The following ETV5 variants were observed in gnomAD, a reference collection of about 807,000 sequenced individuals.
ETV5 encodes the protein ETS variant transcription factor 5.
ETV5 carries 10 observed loss-of-function variants against 70.0 expected under a neutral mutation model. That is an observed-to-expected ratio of 0.14 (90% CI 0.09 to 0.24). The LOEUF (loss-of-function observed/expected upper bound fraction) is 0.24, where lower values mean the gene tolerates loss of function less well. Ranked by LOEUF, ETV5 falls within the 10% of genes least tolerant of loss-of-function variation. ETV5 has a pLI of 1.00. For synonymous variants in ETV5, 216 were observed against 242.2 expected (o/e 0.89, Z 1.01); for missense variants, 453 against 651.2 (o/e 0.70, Z 3.31).
chr3:186,096,923 G>C (rs992776251), intron 5 of ETV5, among the ~76,000 whole-genome samples: 1 of 152,110 alleles, frequency 6.6e-6, no homozygotes, highest in South Asian at 2.1e-4. Context: ...GCTCGAACCT[G>C]TAATGCCAGC....
Position 186,105,172 on chromosome 3 carries a change from G to T in ETV5, c.232+133C>A. 2 of 654,866 alleles carry T rather than the reference G, an allele frequency of 3.1e-6. No individual in the cohort carries two copies. The highest frequency in any genetic ancestry group is 5.1e-6 in the Non-Finnish European group (2 of 390,372). The allele number at this position is 654,866 out of a possible 1,614,324, so 40.6% of individuals were successfully genotyped here. ...AATAAAAGTTTTCAGGGTTAATTCT[G>T]AATTATTAGAAGAAACTAAATGCAT... On this transcript the variant is annotated intron_variant, in intron 5 of 12. Coordinates refer to ENST00000306376, the MANE Select transcript of ETV5 (RefSeq NM_004454.3). This position sits in a 1 kb window ranked among gnomAD's most constrained non-coding sequence, Gnocchi z 4.5.
chr3:186,057,338 T>G lies in ETV5; in HGVS notation c.1039+85A>C, dbSNP rs1471564442. The stretch of plus-strand genomic sequence containing the variant: ...GAGTTGTTCATGCTGATTTAATCAC[T>G]GGACTTGGGAAGAGAGTCATGGCTG... On this transcript the variant is annotated intron_variant, in intron 10 of 12. Coordinates refer to ENST00000306376, the MANE Select transcript of ETV5 (RefSeq NM_004454.3). The surrounding 1 kb of genome is among the most constrained non-coding windows in gnomAD (Gnocchi z 4.9). 70 of 1,605,816 alleles carry G rather than the reference T, an allele frequency of 4.4e-5. No individual in the cohort carries two copies. Among genetic ancestry groups the G allele is most frequent in the Middle Eastern group, 1.6e-4 (1 of 6,068 alleles).
At chr3:186,075,287 A>G (rs988247866) in intron 7 of ETV5, among the ~76,000 whole-genome samples, 1 of 152,230 alleles carries the variant, frequency 6.6e-6, no homozygotes, top group African/African-American at 2.4e-5. Context: ...CATGTTATTA[A>G]CAGGCACTTG....
Position 186,057,041 on chromosome 3 carries a change from C to G in ETV5, c.1209+34G>C. On this transcript the variant is annotated intron_variant, in intron 11 of 12. Transcript: ENST00000306376. This position sits in a 1 kb window ranked among gnomAD's most constrained non-coding sequence, Gnocchi z 4.9. ...AAAAACATCATCAACAACAACAAAT[C>G]AAAACCCGTCTGAGTCCAGCATCCA... is the stretch of plus-strand genomic sequence containing the variant. The G allele has an allele frequency of 6.3e-7, 1 of 1,595,720 alleles. No homozygotes were observed. Among genetic ancestry groups the G allele is most frequent in the Non-Finnish European group, 8.6e-7 (1 of 1,167,776 alleles).
intron 5 of ETV5, among the ~76,000 whole-genome samples, chr3:186,082,897 T>C (rs1713965941): frequency 6.6e-6 from 1 of 152,250 alleles, no homozygotes; most frequent in Non-Finnish European, 1.5e-5. Flanking sequence ...TGCCAGTGAC[T>C]GACTGGAAAG....
At chr3:186,079,424 A>T (rs900851289) in intron 7 of ETV5, 4 of 245,602 alleles carry the variant, frequency 1.6e-5, no homozygotes, top group African/African-American at 6.6e-5. Context: ...ATTGTCCCTT[A>T]TATGTAAGTG....
At position 186,057,538 on chromosome 3, in the gene ETV5, T is replaced by C. The variant is rs1713195778; in HGVS notation, c.971-47A>G. 6.7e-7 allele frequency: 1 copy of C among 1,486,802 alleles called. No individual in the cohort carries two copies. Among genetic ancestry groups the C allele is most frequent in the African/African-American group, 1.4e-5 (1 of 72,382 alleles). The allele number at this position is 1,486,802 out of a possible 1,614,324, so 92.1% of individuals were successfully genotyped here. On this transcript the variant is annotated intron_variant, in intron 9 of 12. Coordinates refer to ENST00000306376, the MANE Select transcript of ETV5 (RefSeq NM_004454.3). The surrounding 1 kb of genome is among the most constrained non-coding windows in gnomAD (Gnocchi z 4.9). ...AGACTACGTTGCTTAACAAATTCTGTGTTGTACTAAAACTATGGATTTAAG... is the reference window on the plus strand; with the variant it reads ...AGACTACGTTGCTTAACAAATTCTGCGTTGTACTAAAACTATGGATTTAAG...
chr3:186,076,937 T>C (rs1385758199), intron 7 of ETV5, among the ~76,000 whole-genome samples: 2 of 152,298 alleles, frequency 1.3e-5, no homozygotes, highest in African/African-American at 2.4e-5. Context: ...TTTATCAAGG[T>C]CAATTACTCA....
chr3:186,099,123 AACATCTG>A (rs1446114140), intron 5 of ETV5, among the ~76,000 whole-genome samples: 1 of 152,174 alleles, frequency 6.6e-6, no homozygotes, highest in Non-Finnish European at 1.5e-5. Context: ...TTTTCCCTTT[AACATCTG>A]AGTTGCTAAC....
At chr3:186,108,031 G>A (rs1034629951) in intron 1 of ETV5, among the ~76,000 whole-genome samples, 2 of 149,476 alleles carry the variant, frequency 1.3e-5, no homozygotes, top group African/African-American at 4.9e-5. Flanking sequence ...AGGGAGCAGC[G>A]AGCCAACGAA....
intron 7 of ETV5, among the ~76,000 whole-genome samples, chr3:186,067,770 A>G (rs1713487702): frequency 6.6e-6 from 1 of 152,214 alleles, no homozygotes; most frequent in African/African-American, 2.4e-5. Context: ...TTAAAAAGAC[A>G]TCGGAAACAA....
At chr3:186,086,656 TATAAG>T (rs1461787114) in intron 5 of ETV5, among the ~76,000 whole-genome samples, 1 of 151,992 alleles carries the variant, frequency 6.6e-6, no homozygotes, top group Non-Finnish European at 1.5e-5. Flanking sequence ...ATAAAAGACA[TATAAG>T]ATGTCTACAC....
intron 5 of ETV5, chr3:186,084,425 G>A (rs1466533532): frequency 3.0e-6 from 1 of 331,222 alleles, no homozygotes; most frequent in Non-Finnish European, 5.9e-6. Flanking sequence ...GCTGAATGTG[G>A]ACTACCTTCT....
intron 7 of ETV5, among the ~76,000 whole-genome samples, chr3:186,067,399 A>T (rs188418965): frequency 2.1e-3 from 321 of 152,298 alleles, no homozygotes; most frequent in African/African-American, 6.5e-3. Flanking sequence ...GCCACTGCAC[A>T]CCAGCCTTGT....
chr3:186,062,610 A>G (rs1044958687), intron 9 of ETV5, among the ~76,000 whole-genome samples: 2 of 152,100 alleles, frequency 1.3e-5, no homozygotes, highest in African/African-American at 4.8e-5. Context: ...ACAGAGCAAG[A>G]CTCCGTCTCA....
chr3:186,060,804 G>A (rs1713285340), intron 9 of ETV5, among the ~76,000 whole-genome samples: 1 of 152,194 alleles, frequency 6.6e-6, no homozygotes, highest in Non-Finnish European at 1.5e-5. Flanking sequence ...GCAACCCAAT[G>A]CCTTGCTAAA....
chr3:186,108,555 G>A, intron 1 of ETV5: 1 of 1,271,196 alleles, frequency 7.9e-7, no homozygotes, highest in Non-Finnish European at 1.0e-6. Flanking sequence ...GCGGAGCTCC[G>A]CCAAGCGTCT....
In ETV5 at chr3:186,065,795, G is replaced by C. The variant is rs752678830; in HGVS notation, c.910+18C>G. ...GAATGCAAGAATGAAGCAAAGAATA[G>C]CACAATTTGATGCTGACCTGAATCG... is the stretch of plus-strand genomic sequence containing the variant. On this transcript the variant is annotated intron_variant, in intron 8 of 12. Transcript: ENST00000306376. The C allele has an allele frequency of 1.9e-6, 3 of 1,613,740 alleles. No individual in the cohort carries two copies. The highest frequency in any genetic ancestry group is 3.3e-5 in the Admixed American group (2 of 60,014).
intron 7 of ETV5, chr3:186,077,951 A>T (rs1266103235): frequency 9.6e-7 from 1 of 1,043,268 alleles, no homozygotes; most frequent in Non-Finnish European, 1.2e-6. Context: ...TCCAAAATGC[A>T]CAGGCAGACT....
Sources: allele counts gnomAD v4.1 joint callset (sites outside exome capture counted in the v4.1 genomes callset), GRCh38; gene constraint gnomAD v4.1.1; non-coding constraint Gnocchi (gnomAD v3.1); transcripts MANE v1.5; gene names NCBI Gene and HGNC (gene_info 2026-07-23, HGNC 2026-07-21).